Variants in PLAC1 observed in about 807,000 individuals in gnomAD.
The protein encoded by PLAC1 is placenta associated 1.
For missense variants in PLAC1, 136 were observed against 163.2 expected, an observed-to-expected ratio of 0.83 and a Z score of 0.91; for synonymous variants, 68 against 62.1, an observed-to-expected ratio of 1.09 and a Z score of -0.44.
At chrX:134,618,212 C>T (rs143343023) in intron 1 of PLAC1, among the ~76,000 whole-genome samples, 71 of 111,365 alleles carry the variant, frequency 6.4e-4, no homozygotes, top group East Asian at 4.5e-3. Context: ...GACAAAGGTC[C>T]GACTGTTTTT....
At chrX:134,722,196 C>T (rs1227143573) in intron 2 of PLAC1, among the ~76,000 whole-genome samples, 1 of 111,931 alleles carries the variant, frequency 8.9e-6, no homozygotes, top group East Asian at 2.8e-4. Context: ...GCTGGGACTA[C>T]AGGCACATGT....
intron 1 of PLAC1, among the ~76,000 whole-genome samples, chrX:134,753,745 A>C (rs1376582750): frequency 9.0e-6 from 1 of 111,610 alleles, no homozygotes; most frequent in Non-Finnish European, 1.9e-5. Context: ...TTGTTTAATA[A>C]GCAACTGGTT....
At chrX:134,673,251 G>C (rs1299640443) in intron 2 of PLAC1, among the ~76,000 whole-genome samples, 1 of 104,925 alleles carries the variant, frequency 9.5e-6, no homozygotes, top group Admixed American at 1.0e-4. Context: ...AAAGGAGAGA[G>C]GGAGGGAAGG....
At chrX:134,618,451 G>A (rs1184391627) in intron 1 of PLAC1, among the ~76,000 whole-genome samples, 1 of 111,333 alleles carries the variant, frequency 9.0e-6, no homozygotes, top group African/African-American at 3.3e-5. Context: ...TGTTGCCCAG[G>A]ATGGAGTGCA....
At chrX:134,616,952 T>C (rs759406373) in intron 1 of PLAC1, among the ~76,000 whole-genome samples, 1 of 107,375 alleles carries the variant, frequency 9.3e-6, no homozygotes, top group South Asian at 4.3e-4. Flanking sequence ...AAAGGCATAA[T>C]TTTACTTCTT....
intron 2 of PLAC1, among the ~76,000 whole-genome samples, chrX:134,717,433 T>C (rs1213454164): frequency 9.0e-6 from 1 of 111,358 alleles, no homozygotes; most frequent in East Asian, 2.8e-4. Flanking sequence ...CTAATTTTTG[T>C]CTTTTCAGTA....
chrX:134,678,432 T>G (rs978320694), intron 2 of PLAC1, among the ~76,000 whole-genome samples: 2 of 111,735 alleles, frequency 1.8e-5, no homozygotes, highest in African/African-American at 6.5e-5. Context: ...TTCCCATGTC[T>G]GGTTCCAGTG....
At chrX:134,583,505 T>C (rs193157664) in intron 2 of PLAC1, among the ~76,000 whole-genome samples, 83 of 107,218 alleles carry the variant, frequency 7.7e-4, no homozygotes, top group African/African-American at 2.7e-3. Flanking sequence ...GCTCTGTCAC[T>C]TCCTAGCTGT....
intron 1 of PLAC1, among the ~76,000 whole-genome samples, chrX:134,634,558 A>G (rs978469705): frequency 8.9e-6 from 1 of 111,823 alleles, no homozygotes; most frequent in Non-Finnish European, 1.9e-5. Context: ...GGGAACCAGT[A>G]ATCTAATTTC....
At chrX:134,735,077 C>T (rs1026602828) in intron 1 of PLAC1, among the ~76,000 whole-genome samples, 3 of 111,888 alleles carry the variant, frequency 2.7e-5, no homozygotes, top group African/African-American at 9.7e-5. Context: ...GCTGAGAAAG[C>T]ATATCACCTA....
chrX:134,665,681 T>A (rs1220357728), intron 2 of PLAC1, among the ~76,000 whole-genome samples: 1 of 111,106 alleles, frequency 9.0e-6, no homozygotes, highest in Non-Finnish European at 1.9e-5. Flanking sequence ...GACGACAGGT[T>A]GAGTTCTCTG....
At chrX:134,700,772 G>A (rs972232178) in intron 2 of PLAC1, among the ~76,000 whole-genome samples, 1 of 111,796 alleles carries the variant, frequency 8.9e-6, no homozygotes, top group Non-Finnish European at 1.9e-5. Context: ...ACAAAACACT[G>A]CTAAAAGAAA....
intron 2 of PLAC1, among the ~76,000 whole-genome samples, chrX:134,577,385 G>A (rs1345497868): frequency 8.9e-6 from 1 of 111,819 alleles, no homozygotes; most frequent in Non-Finnish European, 1.9e-5. Flanking sequence ...TCCTACGTCA[G>A]AGGCTAGAGT....
At chrX:134,651,730 C>T (rs1414882383) in intron 1 of PLAC1, among the ~76,000 whole-genome samples, 1 of 99,068 alleles carries the variant, frequency 1.0e-5, no homozygotes, top group East Asian at 3.6e-4. Context: ...TCACCTTTTT[C>T]CCCCCTTTCT....
At chrX:134,703,017 A>T (rs1292462662) in intron 2 of PLAC1, among the ~76,000 whole-genome samples, 3 of 112,223 alleles carry the variant, frequency 2.7e-5, no homozygotes, top group African/African-American at 9.7e-5. Flanking sequence ...CACAACCAAA[A>T]AAGGTGTTAA....
At chrX:134,701,072 C>T (rs2078581586) in intron 2 of PLAC1, among the ~76,000 whole-genome samples, 1 of 111,757 alleles carries the variant, frequency 8.9e-6, no homozygotes, top group African/African-American at 3.3e-5. Flanking sequence ...CAGTGTGGTA[C>T]TGGTACAAAA....
At chrX:134,590,444 G>A (rs952121488) in intron 2 of PLAC1, among the ~76,000 whole-genome samples, 1 of 111,272 alleles carries the variant, frequency 9.0e-6, no homozygotes, top group Admixed American at 9.5e-5. Flanking sequence ...GAGACACGAA[G>A]TAAATAGATA....
chrX:134,674,188 A>G (rs921218379), intron 2 of PLAC1, among the ~76,000 whole-genome samples: 7 of 112,702 alleles, frequency 6.2e-5, no homozygotes, highest in Non-Finnish European at 1.1e-4. Flanking sequence ...AAGGTTGCCC[A>G]AATTAGCTGA....
At chrX:134,637,337 A>C (rs1569394624) in intron 1 of PLAC1, among the ~76,000 whole-genome samples, 1 of 111,204 alleles carries the variant, frequency 9.0e-6, no homozygotes, top group African/African-American at 3.3e-5. Flanking sequence ...CTTTCCCCCA[A>C]CTGTTCCACC....
Sources: allele counts gnomAD v4.1 joint callset (sites outside exome capture counted in the v4.1 genomes callset), GRCh38; gene constraint gnomAD v4.1.1; transcripts MANE v1.5; gene names NCBI Gene and HGNC (gene_info 2026-07-23, HGNC 2026-07-21).